Variants in SETD2 observed in about 807,000 individuals in gnomAD.
SETD2 encodes SET domain containing 2, histone lysine methyltransferase.
In SETD2, 31 loss-of-function variants were observed where a neutral mutation model predicts 242.1. The observed-to-expected ratio is 0.13, with a 90% CI of 0.10 to 0.17. SETD2 has a LOEUF of 0.17. SETD2 is among the 10% of genes least tolerant of loss of function. The pLI, the probability that SETD2 is intolerant of heterozygous loss-of-function variation, is 1.00. For synonymous variants in SETD2, 1,006 were observed against 1,066.5 expected, an observed-to-expected ratio of 0.94 and a Z score of 1.11; for missense variants, 2,481 against 3,046.3, an observed-to-expected ratio of 0.81 and a Z score of 4.37.
At chr3:47,041,974 ATCTG>A (rs1157091438) in intron 17 of SETD2, among the ~76,000 whole-genome samples, 5 of 152,256 alleles carry the variant, frequency 3.3e-5, no homozygotes, top group Non-Finnish European at 7.3e-5. Flanking sequence ...TACAGAAAAG[ATCTG>A]TCTATGACCC....
chr3:47,089,426 G>GAC (rs1159593165), intron 9 of SETD2, among the ~76,000 whole-genome samples: 1 of 152,130 alleles, frequency 6.6e-6, no homozygotes, highest in Non-Finnish European at 1.5e-5. Context: ...CAGCCTGGGT[G>GAC]ACACAGTGAA....
At chr3:47,022,368 G>T (rs926522053) in intron 18 of SETD2, among the ~76,000 whole-genome samples, 11 of 151,964 alleles carry the variant, frequency 7.2e-5, no homozygotes, top group African/African-American at 2.2e-4. Context: ...GCTGGGCATG[G>T]TGGCTATGCC....
chr3:47,152,824 G>A (rs2044023483), intron 1 of SETD2, among the ~76,000 whole-genome samples: 1 of 152,196 alleles, frequency 6.6e-6, no homozygotes, highest in African/African-American at 2.4e-5. Flanking sequence ...AGACCTCCCA[G>A]AAGCCTGCCA....
In SETD2 at chr3:47,122,540, T is replaced by A. The variant is rs368132877; in HGVS notation, c.2096A>T (p.Asp699Val). The A allele has an allele frequency of 2.5e-6, 4 of 1,614,000 alleles. No individual in the cohort carries two copies. Among genetic ancestry groups the A allele is most frequent in the East Asian group, 2.2e-5 (1 of 44,874 alleles). Residue 699 changes from aspartate to valine, a missense_variant, in exon 3 of 21, where the codon GAT becomes GTT. Physicochemically the swap from Asp to Val is radical, Grantham distance 152. This residue lies in a region of SETD2 where 1,300 missense variants were observed against 1,259.2 expected (regional missense o/e 1.03). Coordinates refer to ENST00000409792, the MANE Select transcript of SETD2 (RefSeq NM_014159.7). The part of the protein sequence containing the change: ...SKTDAVLMTS[D>V]DSVTGSELSP... Reference sequence around the variant, plus strand: ...TAATTCCGATCCAGTCACACTATCATCAGAAGTCATTAAAACAGCATCAGT... The same window carrying A: ...TAATTCCGATCCAGTCACACTATCAACAGAAGTCATTAAAACAGCATCAGT...
chr3:47,090,962 T>C (rs1575757186), intron 9 of SETD2, among the ~76,000 whole-genome samples: 2 of 152,312 alleles, frequency 1.3e-5, no homozygotes, highest in South Asian at 4.1e-4. Context: ...AAAATTCACA[T>C]TCTGGTAAAG....
chr3:47,046,904 A>C lies in SETD2; in HGVS notation c.6964-283T>G, dbSNP rs9831464. 6,697 of 199,166 alleles carry C rather than the reference A, an allele frequency of 0.034. 485 individuals are homozygous for C. Among genetic ancestry groups the C allele is most frequent in the African/African-American group, 0.15 (6,196 of 42,470 alleles). 12.3% of individuals were successfully genotyped at this position (199,166 alleles called of 1,614,324 possible). ...GAAATTCTCCAACTGTTTAGCTTTCAATGACATTGGAATGACATTGAAAAT... is the reference window on the plus strand; with the variant it reads ...GAAATTCTCCAACTGTTTAGCTTTCCATGACATTGGAATGACATTGAAAAT... On this transcript the variant is annotated intron_variant, in intron 15 of 20. Coordinates refer to ENST00000409792, the MANE Select transcript of SETD2 (RefSeq NM_014159.7).
rs190352850 is a variant in SETD2 at position 47,135,379 on chromosome 3, G to T, written c.72-8716C>A. On this transcript the variant is annotated intron_variant, in intron 1 of 20. Coordinates refer to ENST00000409792, the MANE Select transcript of SETD2 (RefSeq NM_014159.7). ...AACCTCTGCCTCCCGGGCTCAAGCT[G>T]TCCTCCCACTTCAGCCTCCTGAGTA... Among the ~76,000 whole-genome samples, 349 of 152,206 alleles carry T rather than the reference G, an allele frequency of 2.3e-3. 1 individual carries two copies. The highest frequency in any genetic ancestry group is 0.014 in the Middle Eastern group (4 of 294).
intron 18 of SETD2, among the ~76,000 whole-genome samples, chr3:47,026,520 C>T (rs567696674): frequency 6.6e-6 from 1 of 152,140 alleles, no homozygotes; most frequent in South Asian, 2.1e-4. Flanking sequence ...TTTATTGCAG[C>T]ACTCTTCAAA....
At chr3:47,067,463 G>A (rs2040610387) in intron 12 of SETD2, among the ~76,000 whole-genome samples, 1 of 130,872 alleles carries the variant, frequency 7.6e-6, no homozygotes, top group South Asian at 2.4e-4. Context: ...CACCCAGGCT[G>A]AAGGGCAGTG....
intron 12 of SETD2, among the ~76,000 whole-genome samples, chr3:47,074,825 T>C (rs1478510137): frequency 6.6e-6 from 1 of 152,218 alleles, no homozygotes; most frequent in African/African-American, 2.4e-5. Flanking sequence ...AGTTCAATTA[T>C]GGATCACAGA....
rs188622003 is a variant in SETD2, at chr3:47,049,016, G to A, written c.6964-2395C>T. Among the ~76,000 whole-genome samples the A allele has an allele frequency of 4.3e-3, 659 of 151,816 alleles. 8 individuals are homozygous for A. The highest frequency in any genetic ancestry group is 0.015 in the African/African-American group (627 of 41,374). ...ATTCTGTCACCCAGGCTGGAATGCA[G>A]TAGTGTGATCATAGCTTACTGTAGC... On this transcript the variant is annotated intron_variant, in intron 15 of 20. Transcript: ENST00000409792.
At chr3:47,047,912 G>T (rs1049986278) in intron 15 of SETD2, among the ~76,000 whole-genome samples, 1 of 152,090 alleles carries the variant, frequency 6.6e-6, no homozygotes, top group African/African-American at 2.4e-5. Flanking sequence ...AGTGTATGAG[G>T]TACTTACACA....
At chr3:47,129,669 T>C (rs1228943505) in intron 1 of SETD2, among the ~76,000 whole-genome samples, 1 of 152,144 alleles carries the variant, frequency 6.6e-6, no homozygotes, top group African/African-American at 2.4e-5. Flanking sequence ...GTGGATCACC[T>C]GAGGTTAGGA....
At chr3:47,137,833 C>T (rs2043625085) in intron 1 of SETD2, among the ~76,000 whole-genome samples, 2 of 151,214 alleles carry the variant, frequency 1.3e-5, no homozygotes, top group Admixed American at 1.3e-4. Context: ...ATTACAGGCA[C>T]CCGCCACCAC....
chr3:47,082,365 G>A (rs1310490259), intron 12 of SETD2, among the ~76,000 whole-genome samples: 2 of 152,100 alleles, frequency 1.3e-5, no homozygotes, highest in African/African-American at 2.4e-5. Context: ...TTGTGTACTT[G>A]TCTTCATCTC....
At chr3:47,091,447 TA>T (rs773903764) in intron 9 of SETD2, among the ~76,000 whole-genome samples, 8 of 151,872 alleles carry the variant, frequency 5.3e-5, no homozygotes, top group Non-Finnish European at 7.4e-5. Flanking sequence ...GCAAACATGG[TA>T]AAACCCCATT....
At chr3:47,100,693 C>A (rs112699082) in intron 8 of SETD2, among the ~76,000 whole-genome samples, 150 of 152,170 alleles carry the variant, frequency 9.9e-4, no homozygotes, top group African/African-American at 3.4e-3. Context: ...GCTATTGCAT[C>A]GGTTACTGTT....
chr3:47,106,493 T>TAAAAAAAAAAAAAAAAAAA (rs766455577), intron 5 of SETD2, among the ~76,000 whole-genome samples: 3 of 57,264 alleles, frequency 5.2e-5, no homozygotes, highest in African/African-American at 2.0e-4. Context: ...ATTTTTGCTC[T>TAAAAAAAAAAAAAAAAAAA]AAAAAAAAAA....
intron 4 of SETD2, 97 bp from the exon 5 acceptor site, chr3:47,114,101 C>G: frequency 1.6e-6 from 2 of 1,238,988 alleles, no homozygotes; most frequent in Non-Finnish European, 1.1e-6. Context: ...TATATACATA[C>G]TTTTATGGTA....
Sources: gnomAD v4.1 joint callset for allele counts (sites outside exome capture counted in the v4.1 genomes callset) on GRCh38, gnomAD v4.1.1 for gene constraint, gnomAD v4.1.1 regional missense constraint, MANE v1.5 for transcripts, NCBI Gene and HGNC (gene_info 2026-07-23, HGNC 2026-07-21) for gene names.